NF1: variants seen among roughly 807,000 people sequenced by gnomAD.
NF1 encodes neurofibromin 1.
Under a neutral mutation model 325.7 loss-of-function variants are expected in NF1, and 122 were observed. That is an observed-to-expected ratio of 0.37 (90% CI 0.32 to 0.44). NF1 has a LOEUF of 0.44. NF1 is among the 20% of genes least tolerant of loss of function. The pLI is 1.00. For missense variants in NF1, 2,140 were observed against 3,415.4 expected (o/e 0.63, Z 9.31); for synonymous variants, 1,091 against 1,186.0 (o/e 0.92, Z 1.65).
chr17:31,122,590 TAATTGCA>T (rs1210897219), intron 1 of NF1, among the ~76,000 whole-genome samples: 1 of 152,254 alleles, frequency 6.6e-6, no homozygotes, highest in Non-Finnish European at 1.5e-5. Context: ...CTTAAACATC[TAATTGCA>T]TCTGCTTTGT....
At chr17:31,228,959 C>T (rs2151428614) in intron 20 of NF1, 66 bp from the exon 21 acceptor site, 2 of 1,260,764 alleles carry the variant, frequency 1.6e-6, no homozygotes, top group Non-Finnish European at 1.1e-6. Flanking sequence ...TTGGATAAAG[C>T]ATAATTTGTC....
intron 1 of NF1, among the ~76,000 whole-genome samples, chr17:31,127,023 AT>A (rs1333362858): frequency 6.6e-6 from 1 of 152,050 alleles, no homozygotes; most frequent in East Asian, 1.9e-4. Context: ...CAGATAACTG[AT>A]TGTTCCAGCC....
rs17879319 is a variant in NF1, at chr17:31,373,774, T to C, written c.8378-239T>C. 0.021 allele frequency among the ~76,000 whole-genome samples: 3,267 copies of C among 152,298 alleles called. 144 individuals carry two copies. Among genetic ancestry groups the C allele is most frequent in the African/African-American group, 0.074 (3,074 of 41,546 alleles). On this transcript the variant is annotated intron_variant, in intron 57 of 57. Transcript: ENST00000358273. ...TTACAACTACATAAAGTACACAATATGGTAACCTGCTGTACAGGTTTGTTG... is the reference window on the plus strand; with the variant it reads ...TTACAACTACATAAAGTACACAATACGGTAACCTGCTGTACAGGTTTGTTG...
chr17:31,216,793 TTACTC>T (rs1164256461), intron 13 of NF1, among the ~76,000 whole-genome samples: 3 of 152,184 alleles, frequency 2.0e-5, no homozygotes, highest in Admixed American at 6.5e-5. Flanking sequence ...TTGTCTTCCT[TTACTC>T]TATTCATGAT....
intron 5 of NF1, among the ~76,000 whole-genome samples, chr17:31,175,101 C>T (rs2065995496): frequency 1.1e-5 from 1 of 93,698 alleles, no homozygotes; most frequent in Admixed American, 1.4e-4. Context: ...GAGCAAGACT[C>T]CATCTCAAAA....
At chr17:31,191,441 A>G (rs368537911) in intron 8 of NF1, among the ~76,000 whole-genome samples, 7 of 152,206 alleles carry the variant, frequency 4.6e-5, no homozygotes, top group Admixed American at 4.6e-4. Flanking sequence ...GTGGAATACT[A>G]TTCAGCAATA....
intron 8 of NF1, among the ~76,000 whole-genome samples, chr17:31,194,138 A>G (rs2066394999): frequency 6.6e-6 from 1 of 152,222 alleles, no homozygotes; most frequent in Non-Finnish European, 1.5e-5. Flanking sequence ...AATCATCCTA[A>G]GTATCTAACA....
intron 30 of NF1, chr17:31,252,397 T>C (rs954579850): frequency 5.1e-6 from 1 of 197,530 alleles, no homozygotes; most frequent in African/African-American, 2.3e-5. Flanking sequence ...GAGAGGTCTT[T>C]AATTCAGAAT....
chr17:31,274,114 T>C (rs1248857942), intron 36 of NF1, among the ~76,000 whole-genome samples: 1 of 152,210 alleles, frequency 6.6e-6, no homozygotes, highest in Non-Finnish European at 1.5e-5. Context: ...GAAAAGAAGT[T>C]AAACTTCATT....
chr17:31,340,989 G>A (rs187024022), intron 47 of NF1, among the ~76,000 whole-genome samples: 8 of 152,030 alleles, frequency 5.3e-5, no homozygotes, highest in South Asian at 2.1e-4. Flanking sequence ...ATGCCAGGCC[G>A]TATGCTAAAC....
intron 8 of NF1, among the ~76,000 whole-genome samples, chr17:31,191,140 T>C (rs554491183): frequency 4.6e-5 from 7 of 152,316 alleles, no homozygotes; most frequent in East Asian, 3.9e-4. Flanking sequence ...TTTTCAAGCA[T>C]AGAATGATAA....
chr17:31,323,224 C>CCTGTCT (rs575111244), intron 36 of NF1, among the ~76,000 whole-genome samples: 67 of 152,014 alleles, frequency 4.4e-4, no homozygotes, highest in African/African-American at 1.5e-3. Context: ...ATGGCAAAAT[C>CCTGTCT]CTGTCTCTAC....
At chr17:31,241,710 A>G (rs2067299926) in intron 29 of NF1, among the ~76,000 whole-genome samples, 2 of 152,222 alleles carry the variant, frequency 1.3e-5, no homozygotes, top group Admixed American at 6.5e-5. Context: ...ATACCTTATT[A>G]TACTGTCTGT....
At chr17:31,264,365 C>T (rs1355401962) in intron 35 of NF1, among the ~76,000 whole-genome samples, 4 of 150,738 alleles carry the variant, frequency 2.7e-5, no homozygotes, top group African/African-American at 9.8e-5. Context: ...GAGCCGAGAT[C>T]GTGCCACTGC....
At chr17:31,311,386 C>G (rs964314349) in intron 36 of NF1, among the ~76,000 whole-genome samples, 2 of 152,092 alleles carry the variant, frequency 1.3e-5, no homozygotes, top group African/African-American at 4.8e-5. Context: ...AGAGCATATC[C>G]TAGACAAAAG....
intron 31 of NF1, among the ~76,000 whole-genome samples, chr17:31,257,091 G>A (rs1411855032): frequency 2.0e-5 from 3 of 152,102 alleles, no homozygotes; most frequent in Non-Finnish European, 4.4e-5. Context: ...TTAATCTGGA[G>A]TCAGCCTGTC....
At chr17:31,297,915 T>G (rs1268465896) in intron 36 of NF1, among the ~76,000 whole-genome samples, 5 of 152,188 alleles carry the variant, frequency 3.3e-5, no homozygotes, top group Non-Finnish European at 7.4e-5. Context: ...CAGGATACAT[T>G]TGGAAATTAG....
chr17:31,139,580 T>A (rs1396385979), intron 1 of NF1, among the ~76,000 whole-genome samples: 2 of 152,244 alleles, frequency 1.3e-5, no homozygotes, highest in Non-Finnish European at 2.9e-5. Context: ...GAAGCTCATG[T>A]GCATGGGCTA....
At chr17:31,324,098 C>T (rs188932677) in intron 36 of NF1, among the ~76,000 whole-genome samples, 20 of 152,094 alleles carry the variant, frequency 1.3e-4, no homozygotes, top group African/African-American at 4.1e-4. Flanking sequence ...GTTGGAATCT[C>T]GCTCTATCGC....
Sources: allele counts gnomAD v4.1 joint callset (sites outside exome capture counted in the v4.1 genomes callset), GRCh38; gene constraint gnomAD v4.1.1; transcripts MANE v1.5; gene names NCBI Gene and HGNC (gene_info 2026-07-23, HGNC 2026-07-21).